SLC24A2: variants seen among roughly 807,000 people sequenced by gnomAD.
SLC24A2 encodes the protein sodium/potassium/calcium exchanger 2.
A neutral mutation model predicts 62.0 loss-of-function variants in SLC24A2; 36 were observed. That is an observed-to-expected ratio of 0.58 (90% confidence interval 0.44 to 0.77). The LOEUF (loss-of-function observed/expected upper bound fraction) is 0.77. SLC24A2 is among the 30% of genes least tolerant of loss of function. The pLI is 0.00. For synonymous variants in SLC24A2, 358 were observed against 294.0 expected (o/e 1.22, Z -2.23); for missense variants, 846 against 817.9 (o/e 1.03, Z -0.42).
chr9:20,188,599 G>A, the SLC24A2 span, among the ~76,000 whole-genome samples: 17 of 152,208 alleles, frequency 1.1e-4, no homozygotes, highest in African/African-American at 3.9e-4. Flanking sequence ...AGCCTGAAAT[G>A]ATCTTGGTGG....
At chr9:20,235,103 G>T in the SLC24A2 span, among the ~76,000 whole-genome samples, 1 of 152,354 alleles carries the variant, frequency 6.6e-6, no homozygotes, top group South Asian at 2.1e-4. Flanking sequence ...TCTCAGAGGA[G>T]TACCTGGCTG....
In SLC24A2 at chr9:19,599,593, T is replaced by C. The variant is rs777883614; in HGVS notation, c.1079-2314A>G. ...CACTAACAGCAACAGGATGGTGAGA[T>C]GGTGAACTCAGCAGCAGCATCCTAA... On this transcript the variant is annotated intron_variant, in intron 4 of 10. Transcript: ENST00000341998. This position sits in a 1 kb window ranked among gnomAD's most constrained non-coding sequence, Gnocchi z 4.5. Among the ~76,000 whole-genome samples, 1 of 152,174 alleles carries C rather than the reference T, an allele frequency of 6.6e-6. No individual in the cohort carries two copies. The highest frequency in any genetic ancestry group is 2.4e-5 in the African/African-American group (1 of 41,436).
chr9:19,837,219 G>A, the SLC24A2 span, among the ~76,000 whole-genome samples: 7 of 151,702 alleles, frequency 4.6e-5, no homozygotes, highest in Non-Finnish European at 8.8e-5. Flanking sequence ...TTGGGAGGCC[G>A]AGGCGGGTGG....
the SLC24A2 span, among the ~76,000 whole-genome samples, chr9:19,798,667 C>T: frequency 6.6e-6 from 1 of 151,818 alleles, no homozygotes; most frequent in Non-Finnish European, 1.5e-5. Flanking sequence ...ACTCTGTCAC[C>T]TGGTTTGCTA....
chr9:20,287,423 G>A, the SLC24A2 span, among the ~76,000 whole-genome samples: 2 of 152,142 alleles, frequency 1.3e-5, no homozygotes, highest in East Asian at 3.8e-4. Flanking sequence ...ACTTTTATAT[G>A]CTGAGCCTAT....
chr9:19,760,757 C>A (rs1040120152), intron 2 of SLC24A2, among the ~76,000 whole-genome samples: 1 of 151,242 alleles, frequency 6.6e-6, no homozygotes, highest in Non-Finnish European at 1.5e-5. Context: ...TTTTTTAATC[C>A]AGCCTAACAT....
the SLC24A2 span, among the ~76,000 whole-genome samples, chr9:20,038,894 A>G: frequency 2.0e-5 from 3 of 152,176 alleles, no homozygotes; most frequent in Non-Finnish European, 2.9e-5. Context: ...GAGAAAATCA[A>G]ACTGAATTTA....
At chr9:20,086,560 A>G in the SLC24A2 span, among the ~76,000 whole-genome samples, 2 of 152,082 alleles carry the variant, frequency 1.3e-5, no homozygotes. Context: ...GATGTGCCCA[A>G]CCGAGTTTTT....
the SLC24A2 span, among the ~76,000 whole-genome samples, chr9:20,009,657 T>C: frequency 7.9e-5 from 12 of 152,240 alleles, no homozygotes; most frequent in East Asian, 2.3e-3. Flanking sequence ...GAAAGGAACA[T>C]CTGTCCCTGT....
chr9:19,945,675 T>C, the SLC24A2 span, among the ~76,000 whole-genome samples: 1 of 151,922 alleles, frequency 6.6e-6, no homozygotes, highest in African/African-American at 2.4e-5. Context: ...CACCCCTAAT[T>C]TACAGATGAA....
chr9:20,131,476 C>G, the SLC24A2 span, among the ~76,000 whole-genome samples: 7 of 152,068 alleles, frequency 4.6e-5, no homozygotes, highest in South Asian at 1.5e-3. Flanking sequence ...CAGGAAAGGC[C>G]CAAGGTCTTA....
At chr9:20,261,924 G>C in the SLC24A2 span, among the ~76,000 whole-genome samples, 1 of 151,788 alleles carries the variant, frequency 6.6e-6, no homozygotes, top group Admixed American at 6.6e-5. Flanking sequence ...ATTTTTAGTA[G>C]AGACAGCATT....
chr9:19,622,238 C>T (rs1564002620), intron 3 of SLC24A2, 23 bp downstream of exon 3: 1 of 1,610,616 alleles, frequency 6.2e-7, no homozygotes, highest in Non-Finnish European at 8.5e-7. Flanking sequence ...CAAACAGGTA[C>T]AGACAAAGCC....
intron 8 of SLC24A2, among the ~76,000 whole-genome samples, chr9:19,542,033 C>T (rs1834290465): frequency 6.6e-6 from 1 of 152,226 alleles, no homozygotes; most frequent in Non-Finnish European, 1.5e-5. Flanking sequence ...TTGCGCTTCC[C>T]AGGTGAGGCA....
the SLC24A2 span, among the ~76,000 whole-genome samples, chr9:20,030,858 T>C: frequency 1.3e-5 from 2 of 152,096 alleles, no homozygotes; most frequent in East Asian, 1.9e-4. Flanking sequence ...AAATGTAGTA[T>C]CCCTTAATAT....
the SLC24A2 span, among the ~76,000 whole-genome samples, chr9:19,883,682 C>T: frequency 6.6e-6 from 1 of 151,932 alleles, no homozygotes; most frequent in African/African-American, 2.4e-5. Context: ...TCTCCTGCCT[C>T]GGCCTCCTGA....
chr9:19,741,501 C>G (rs1050820125), intron 2 of SLC24A2, among the ~76,000 whole-genome samples: 5 of 152,172 alleles, frequency 3.3e-5, no homozygotes, highest in Non-Finnish European at 5.9e-5. Context: ...ACCAGCTGAG[C>G]AGCTCCCTCC....
the SLC24A2 span, among the ~76,000 whole-genome samples, chr9:19,960,347 A>G: frequency 6.6e-6 from 1 of 151,410 alleles, no homozygotes. Flanking sequence ...ATTCTATTCT[A>G]TTCTATTTCT....
the SLC24A2 span, among the ~76,000 whole-genome samples, chr9:20,073,396 T>A: frequency 6.6e-6 from 1 of 152,116 alleles, no homozygotes; most frequent in South Asian, 2.1e-4. Context: ...AGTCAACTGG[T>A]TTGGGACCAT....
Sources: allele counts gnomAD v4.1 joint callset (sites outside exome capture counted in the v4.1 genomes callset), GRCh38; gene constraint gnomAD v4.1.1; non-coding constraint Gnocchi (gnomAD v3.1); transcripts MANE v1.5; gene names NCBI Gene and HGNC (gene_info 2026-07-23, HGNC 2026-07-21).